DPYSL2: variants seen among roughly 807,000 people sequenced by gnomAD.
DPYSL2 encodes dihydropyrimidinase-related protein 2.
Under a neutral mutation model 69.9 loss-of-function variants are expected in DPYSL2, and 13 were observed. That is an observed-to-expected ratio of 0.19 (90% CI 0.12 to 0.30). The LOEUF is 0.30. DPYSL2 is among the 10% of genes least tolerant of loss of function. DPYSL2 has a pLI of 1.00. For missense variants in DPYSL2, 587 were observed against 918.9 expected (o/e 0.64, Z 4.67); for synonymous variants, 326 against 359.1 (o/e 0.91, Z 1.04).
At chr8:26,576,648 A>C (rs573882413) in intron 1 of DPYSL2, among the ~76,000 whole-genome samples, 1 of 152,318 alleles carries the variant, frequency 6.6e-6, no homozygotes, top group Admixed American at 6.5e-5. Context: ...AGGGGCCTTG[A>C]GTGCCGTTTG....
rs1227700306 is a variant in DPYSL2, at chr8:26,582,109, C to T, written c.443+52C>T. The T allele has an allele frequency of 1.4e-6, 2 of 1,440,998 alleles. No individual in the cohort carries two copies. The highest frequency in any genetic ancestry group is 1.2e-5 in the South Asian group (1 of 86,948). The allele number at this position is 1,440,998 out of a possible 1,614,324, so 89.3% of individuals were successfully genotyped here. ...GTATTTGAACACTTTCCAGACTTCC[C>T]AAGTATTAGATACCATTCGCATCCA... is the stretch of plus-strand genomic sequence containing the variant. On this transcript the variant is annotated intron_variant, in intron 2 of 13. Coordinates refer to ENST00000521913, the MANE Select transcript of DPYSL2 (RefSeq NM_001197293.3). The surrounding 1 kb of genome is among the most constrained non-coding windows in gnomAD (Gnocchi z 4.1).
intron 1 of DPYSL2, chr8:26,577,016 T>G: frequency 3.1e-6 from 1 of 325,782 alleles, no homozygotes; most frequent in Non-Finnish European, 6.1e-6. Context: ...GGGCTGCGGC[T>G]GCTCCCCATT....
At chr8:26,537,689 C>T (rs1800617062) in intron 1 of DPYSL2, among the ~76,000 whole-genome samples, 1 of 151,294 alleles carries the variant, frequency 6.6e-6, no homozygotes, top group African/African-American at 2.4e-5. Context: ...CCCCATTTCC[C>T]CTTAATACTT....
At chr8:26,556,008 TTATATATATAAA>T (rs1269976968) in intron 1 of DPYSL2, among the ~76,000 whole-genome samples, 1 of 106,572 alleles carries the variant, frequency 9.4e-6, no homozygotes, top group East Asian at 2.4e-4. Context: ...ATAGTATATA[TTATATATATAAA>T]TATATATATA....
chr8:26,566,145 G>C (rs1801145692), intron 1 of DPYSL2, among the ~76,000 whole-genome samples: 1 of 152,210 alleles, frequency 6.6e-6, no homozygotes. Context: ...AGAGATGAGG[G>C]TACACAGAAG....
chr8:26,530,356 C>T (rs1234918752), intron 1 of DPYSL2, among the ~76,000 whole-genome samples: 1 of 152,126 alleles, frequency 6.6e-6, no homozygotes, highest in Non-Finnish European at 1.5e-5. Flanking sequence ...TCACAGCACA[C>T]CAGCAAATGT....
chr8:26,554,729 C>A (rs1254882971), intron 1 of DPYSL2, among the ~76,000 whole-genome samples: 3 of 152,050 alleles, frequency 2.0e-5, no homozygotes, highest in African/African-American at 7.2e-5. Flanking sequence ...ATAATCTTTT[C>A]CAGAAAACAG....
chr8:26,551,889 T>C (rs1317005661), intron 1 of DPYSL2, among the ~76,000 whole-genome samples: 1 of 152,214 alleles, frequency 6.6e-6, no homozygotes, highest in Non-Finnish European at 1.5e-5. Flanking sequence ...TCATAGCTTA[T>C]GGCATCCTTG....
chr8:26,651,280 G>A (rs566402933), intron 11 of DPYSL2, among the ~76,000 whole-genome samples: 27 of 152,282 alleles, frequency 1.8e-4, no homozygotes, highest in Admixed American at 3.9e-4. Context: ...GGCCGAATCC[G>A]TGTTACCAGC....
chr8:26,623,055 G>A (rs543432231), intron 3 of DPYSL2, among the ~76,000 whole-genome samples: 6 of 152,190 alleles, frequency 3.9e-5, no homozygotes, highest in Non-Finnish European at 8.8e-5. Flanking sequence ...TGCAGAAGAT[G>A]GGTAGTAATA....
intron 1 of DPYSL2, among the ~76,000 whole-genome samples, chr8:26,568,620 A>G (rs1801189458): frequency 6.6e-6 from 1 of 152,236 alleles, no homozygotes; most frequent in South Asian, 2.1e-4. Context: ...GGGAACCGAA[A>G]TGGACAAATG....
At chr8:26,611,964 A>T (rs532958870) in intron 3 of DPYSL2, among the ~76,000 whole-genome samples, 39 of 152,208 alleles carry the variant, frequency 2.6e-4, no homozygotes, top group Admixed American at 3.9e-4. Context: ...CCTCAGGTTG[A>T]TGAAGCTGGG....
intron 1 of DPYSL2, chr8:26,578,470 G>T (rs917861828): frequency 6.8e-7 from 1 of 1,460,104 alleles, no homozygotes; most frequent in Non-Finnish European, 9.0e-7. Context: ...AGTGATCCAG[G>T]ATTAGAAGTC....
At chr8:26,607,378 G>T (rs941413672) in intron 3 of DPYSL2, among the ~76,000 whole-genome samples, 1 of 151,798 alleles carries the variant, frequency 6.6e-6, no homozygotes, top group Non-Finnish European at 1.5e-5. Flanking sequence ...AGCTACTTGG[G>T]AGGCTGAGGC....
At chr8:26,589,853 C>G (rs770782137) in intron 3 of DPYSL2, among the ~76,000 whole-genome samples, 8 of 152,250 alleles carry the variant, frequency 5.3e-5, no homozygotes, top group Non-Finnish European at 8.8e-5. Flanking sequence ...CACATGGTCC[C>G]AGCACCACAG....
chr8:26,545,772 A>C (rs1018635358), intron 1 of DPYSL2, among the ~76,000 whole-genome samples: 6 of 152,008 alleles, frequency 3.9e-5, no homozygotes, highest in Non-Finnish European at 7.4e-5. Context: ...ATCTCAAAAA[A>C]AAAAAATAAT....
chr8:26,588,168 C>T lies in DPYSL2; in HGVS notation c.628+4185C>T, dbSNP rs77835519. On this transcript the variant is annotated intron_variant, in intron 3 of 13. Transcript: ENST00000521913. The surrounding 1 kb of genome is among the most constrained non-coding windows in gnomAD (Gnocchi z 5.4). ...TTGCTGGGTACTGACACCCTCCCAT[C>T]TCTTGTACACTGAGCTCTACTCTCC... 4.6e-5 allele frequency among the ~76,000 whole-genome samples: 7 copies of T among 152,226 alleles called. No individual in the cohort carries two copies. Among genetic ancestry groups the T allele is most frequent in the Non-Finnish European group, 8.8e-5 (6 of 68,046 alleles).
rs914615895 is a variant in DPYSL2 at position 26,641,039 on chromosome 8, G to A, written c.1127-2400G>A. On this transcript the variant is annotated intron_variant, in intron 8 of 13. Coordinates refer to ENST00000521913, the MANE Select transcript of DPYSL2 (RefSeq NM_001197293.3). This position sits in a 1 kb window ranked among gnomAD's most constrained non-coding sequence, Gnocchi z 4.1. ...CCCACCCCAAGCTGAGTTGTGTTTC[G>A]CAGGGAGAGATAAGCCTGTGGTCAG... Among the ~76,000 whole-genome samples, 2 of 152,166 alleles carry A rather than the reference G, an allele frequency of 1.3e-5. No individual in the cohort carries two copies. Among genetic ancestry groups the A allele is most frequent in the African/African-American group, 2.4e-5 (1 of 41,436 alleles).
chr8:26,599,303 G>A (rs1801939287), intron 3 of DPYSL2, among the ~76,000 whole-genome samples: 1 of 152,022 alleles, frequency 6.6e-6, no homozygotes, highest in Non-Finnish European at 1.5e-5. Context: ...TATTTTTGTG[G>A]TCCCCCTGGC....
Sources: gnomAD v4.1 joint callset for allele counts (sites outside exome capture counted in the v4.1 genomes callset) on GRCh38, gnomAD v4.1.1 for gene constraint, Gnocchi (gnomAD v3.1) non-coding constraint, MANE v1.5 for transcripts, NCBI Gene and HGNC (gene_info 2026-07-23, HGNC 2026-07-21) for gene names.